Variants in EPG5 observed in about 807,000 individuals in gnomAD.
EPG5 encodes ectopic P-granules 5 autophagy tethering factor.
Under a neutral mutation model 302.7 loss-of-function variants are expected in EPG5, and 159 were observed. The observed-to-expected ratio is 0.53, with a 90% CI of 0.46 to 0.60. The LOEUF is 0.60. Among genes scored for constraint, EPG5 ranks in the 20% least tolerant of loss-of-function variants. The pLI is 0.00. For synonymous variants in EPG5, 1,158 were observed against 1,136.8 expected (o/e 1.02, Z -0.37); for missense variants, 2,896 against 3,092.4 (o/e 0.94, Z 1.51).
intron 30 of EPG5, among the ~76,000 whole-genome samples, chr18:45,883,581 C>G (rs1216039091): frequency 6.7e-6 from 1 of 149,172 alleles, no homozygotes; most frequent in African/African-American, 2.5e-5. Flanking sequence ...CCACCTCAGC[C>G]TCTGAAGTAG....
At chr18:45,866,582 T>C (rs1291600067) in intron 38 of EPG5, among the ~76,000 whole-genome samples, 2 of 152,200 alleles carry the variant, frequency 1.3e-5, no homozygotes, top group African/African-American at 4.8e-5. Context: ...CCTTTTGACC[T>C]TTCATCGACA....
At chr18:45,922,686 C>T in intron 15 of EPG5, 86 bp from the exon 16 acceptor site, 1 of 1,456,760 alleles carries the variant, frequency 6.9e-7, no homozygotes, top group Non-Finnish European at 9.4e-7. Context: ...TTGTGACCAA[C>T]AATGCCCTCA....
chr18:45,939,966 T>C (rs2145882885), intron 9 of EPG5, among the ~76,000 whole-genome samples: 1 of 151,486 alleles, frequency 6.6e-6, no homozygotes, highest in South Asian at 2.1e-4. Context: ...AGACAACAAA[T>C]AAAATAAAGT....
In EPG5 at chr18:45,858,751, G is replaced by C. The variant is rs1322726016; in HGVS notation, c.7041C>G (p.Pro2347=). The change falls in exon 41 of 44, where the codon CCC becomes CCG. Residue 2347 remains proline, a synonymous_variant. Coordinates refer to ENST00000282041, the MANE Select transcript of EPG5 (RefSeq NM_020964.3). ...CGGGAACCTGAAGGGATACCAGAAT[G>C]GGTCCCCATCCTGAATTCTGATTGA... is the stretch of plus-strand genomic sequence containing the variant. The part of the protein sequence containing the change: ...SPLNQNSGWG[P]ILVSLQVPEL... The C allele has an allele frequency of 6.2e-7, 1 of 1,614,018 alleles. No individual in the cohort carries two copies. The highest frequency in any genetic ancestry group is 8.5e-7 in the Non-Finnish European group (1 of 1,180,008).
At chr18:45,878,604 G>C (rs763586168) in intron 33 of EPG5, among the ~76,000 whole-genome samples, 156 bp from the exon 34 acceptor site, 1 of 152,096 alleles carries the variant, frequency 6.6e-6, no homozygotes, top group African/African-American at 2.4e-5. Flanking sequence ...GTATGTTTAC[G>C]TTTTCATTGG....
the EPG5 span, among the ~76,000 whole-genome samples, chr18:45,834,994 T>C: frequency 6.6e-6 from 1 of 152,108 alleles, no homozygotes; most frequent in African/African-American, 2.4e-5. Context: ...GGTTCTTTGA[T>C]GATTAACTGA....
At chr18:45,875,349 A>T (rs149162183) in intron 35 of EPG5, among the ~76,000 whole-genome samples, 377 of 152,360 alleles carry the variant, frequency 2.5e-3, no homozygotes, top group African/African-American at 8.6e-3. Context: ...TTCAGATAAT[A>T]GAATTAATGT....
chr18:45,804,025 C>A, the EPG5 span, among the ~76,000 whole-genome samples: 1 of 152,090 alleles, frequency 6.6e-6, no homozygotes, highest in African/African-American at 2.4e-5. Context: ...AATGGCAATT[C>A]TTACTATACT....
At chr18:45,814,901 C>T in the EPG5 span, among the ~76,000 whole-genome samples, 1 of 152,200 alleles carries the variant, frequency 6.6e-6, no homozygotes, top group Non-Finnish European at 1.5e-5. Flanking sequence ...TTTGACCCAG[C>T]TTCTGCTAAT....
intron 7 of EPG5, among the ~76,000 whole-genome samples, chr18:45,945,272 T>C (rs1267831475): frequency 6.6e-6 from 1 of 152,202 alleles, no homozygotes; most frequent in Non-Finnish European, 1.5e-5. Context: ...CAAAGGTACA[T>C]TTAACCCCCA....
rs762927573 is a variant in EPG5 at position 45,939,683 on chromosome 18, T to C, written c.2016A>G (p.Gln672=). The part of the protein sequence containing the change: ...VSHNQGSGLA[Q]QPYSMEKLQV... The stretch of plus-strand genomic sequence containing the variant: ...GTAGTTTCTCCATAGAGTAGGGCTG[T>C]TGGGCCAATCCTGAGCCTTGGTTAT... Residue 672 remains glutamine (Q), a synonymous_variant, in exon 10 of 44, where the codon CAA becomes CAG. Transcript: ENST00000282041. 16 of 1,614,010 alleles carry C rather than the reference T, an allele frequency of 9.9e-6. No homozygotes were observed. The highest frequency in any genetic ancestry group is 4.5e-5 in the East Asian group (2 of 44,902).
intron 27 of EPG5, among the ~76,000 whole-genome samples, chr18:45,899,042 T>C (rs541960863): frequency 6.6e-6 from 1 of 152,186 alleles, no homozygotes; most frequent in African/African-American, 2.4e-5. Flanking sequence ...GGAGAATCAC[T>C]TGAACCCGGG....
intron 27 of EPG5, among the ~76,000 whole-genome samples, chr18:45,890,371 T>C (rs894779857): frequency 6.6e-6 from 1 of 152,160 alleles, no homozygotes; most frequent in Non-Finnish European, 1.5e-5. Flanking sequence ...AAATGTCGTT[T>C]TGAAAGGAAG....
Position 45,882,379 on chromosome 18 carries a change from C to G in EPG5, c.5413G>C (p.Glu1805Gln), listed in dbSNP as rs758014247. 4 of 1,614,098 alleles carry G rather than the reference C, an allele frequency of 2.5e-6. No homozygotes were observed. In the African/African-American group the frequency reaches 5.3e-5, roughly 22 times the overall value. Residue 1805 changes from glutamate (E) to glutamine (Q), a missense_variant, in exon 31 of 44, where the codon GAG becomes CAG. Around this residue, in one of 5 missense-constraint regions of EPG5, gnomAD observed 790 missense variants for 798.0 expected, o/e 0.99. Transcript: ENST00000282041. ...AGATTAAATGGCATCAAAATATCCTCATCTGGTTCAAGGCCCCAGGCAGTA... is the reference window on the plus strand; with the variant it reads ...AGATTAAATGGCATCAAAATATCCTGATCTGGTTCAAGGCCCCAGGCAGTA... ...ALTAWGLEPD[E>Q]DILMPFNLFC...
chr18:45,887,938 T>C (rs768687741), intron 28 of EPG5, 31 bp from the exon 29 acceptor site: 25 of 1,481,980 alleles, frequency 1.7e-5, no homozygotes, highest in South Asian at 1.4e-4. Context: ...GACTGCAGTC[T>C]ACAGTAAAAG....
intron 28 of EPG5, among the ~76,000 whole-genome samples, chr18:45,889,119 C>A (rs918943210): frequency 2.0e-5 from 3 of 152,184 alleles, no homozygotes; most frequent in African/African-American, 4.8e-5. Context: ...TCGATGCTCC[C>A]CTCCATACAC....
chr18:45,927,871 T>G (rs28729696), intron 13 of EPG5, among the ~76,000 whole-genome samples: 28,877 of 151,814 alleles, frequency 0.19, 4,288 homozygotes, highest in African/African-American at 0.38. Context: ...TAAGAAAGCT[T>G]CTTAGAGCTG....
the EPG5 span, among the ~76,000 whole-genome samples, chr18:45,804,785 T>G: frequency 6.6e-6 from 1 of 152,178 alleles, no homozygotes; most frequent in Non-Finnish European, 1.5e-5. Flanking sequence ...TCTTTAGACA[T>G]GAAGAACATC....
downstream of EPG5, among the ~76,000 whole-genome samples, chr18:45,844,477 C>T (rs2048349742): frequency 6.6e-6 from 1 of 152,132 alleles, no homozygotes; most frequent in Admixed American, 6.6e-5. Context: ...GATCATTGCA[C>T]ATTGTATGCC....
Sources: allele counts gnomAD v4.1 joint callset (sites outside exome capture counted in the v4.1 genomes callset), GRCh38; gene constraint gnomAD v4.1.1; regional missense constraint gnomAD v4.1.1; transcripts MANE v1.5; gene names NCBI Gene and HGNC (gene_info 2026-07-23, HGNC 2026-07-21).